Variants in KLHL8 observed in about 807,000 individuals in gnomAD.
KLHL8 encodes the protein kelch-like protein 8.
KLHL8 carries 38 observed loss-of-function variants against 63.5 expected under a neutral mutation model. The ratio of observed to expected loss-of-function variants is 0.60; its 90% CI spans 0.46 to 0.78. The LOEUF (loss-of-function observed/expected upper bound fraction) is 0.78. Among genes scored for constraint, KLHL8 ranks in the 30% least tolerant of loss-of-function variants. The probability of loss-of-function intolerance (pLI) is 0.00; values close to 1 mark genes in which losing one functional copy is unlikely to be tolerated. For synonymous variants in KLHL8, 224 were observed against 254.3 expected (o/e 0.88, Z 1.13); for missense variants, 566 against 752.4 (o/e 0.75, Z 2.90).
intron 1 of KLHL8, among the ~76,000 whole-genome samples, chr4:87,215,736 C>T (rs12710836): frequency 0.079 from 12,058 of 151,958 alleles, 645 homozygotes; most frequent in Non-Finnish European, 0.12. Flanking sequence ...AAAGTATGTC[C>T]GATTCAGAAA....
intron 1 of KLHL8, among the ~76,000 whole-genome samples, chr4:87,232,848 T>C (rs1733158318): frequency 6.6e-6 from 1 of 152,162 alleles, no homozygotes. Flanking sequence ...TTTTGTAAAA[T>C]CCATGTTCAA....
intron 4 of KLHL8, among the ~76,000 whole-genome samples, chr4:87,181,950 C>T (rs998938555): frequency 2.6e-5 from 4 of 152,100 alleles, no homozygotes; most frequent in South Asian, 2.1e-4. Context: ...ATTCTTGGGC[C>T]GGGCGCGATG....
At chr4:87,208,282 G>C (rs1732238753) in intron 1 of KLHL8, among the ~76,000 whole-genome samples, 1 of 151,552 alleles carries the variant, frequency 6.6e-6, no homozygotes, top group Non-Finnish European at 1.5e-5. Context: ...AGTCCCCTAT[G>C]CTTAGCCAAA....
At chr4:87,210,894 C>T (rs1299689564) in intron 1 of KLHL8, among the ~76,000 whole-genome samples, 2 of 152,222 alleles carry the variant, frequency 1.3e-5, no homozygotes, top group African/African-American at 4.8e-5. Context: ...TGTACTTCCT[C>T]TGTGCTCCCA....
Position 87,195,493 on chromosome 4 carries a change from G to A in KLHL8, c.47C>T (p.Thr16Ile). Reference protein sequence around the residue: ...MSSKQARNHITKGKRQQQHQQ... With the variant: ...MSSKQARNHIIKGKRQQQHQQ... ...GTGCTGTTGTTGCCTTTTCCCCTTT[G>A]TAATGTGATTCCTAGCTTGTTTACT... The change falls in exon 2 of 10, where the codon ACA (threonine) becomes ATA (isoleucine). Residue 16 changes from threonine to isoleucine, a missense_variant. By Grantham distance (89) the Thr-to-Ile change is moderately conservative (BLOSUM62 -1). Transcript: ENST00000273963. 2 of 1,613,722 alleles carry A rather than the reference G, an allele frequency of 1.2e-6. No homozygotes were observed.
intron 1 of KLHL8, among the ~76,000 whole-genome samples, chr4:87,208,850 C>A (rs1007860597): frequency 6.6e-6 from 1 of 152,004 alleles, no homozygotes; most frequent in Non-Finnish European, 1.5e-5. Flanking sequence ...CATTTGTCAG[C>A]GTACTATTTC....
At chr4:87,238,654 T>C (rs918901299) in intron 1 of KLHL8, among the ~76,000 whole-genome samples, 17 of 152,240 alleles carry the variant, frequency 1.1e-4, no homozygotes, top group African/African-American at 4.1e-4. Context: ...TTGTCATATG[T>C]GGCTAGTAGC....
At chr4:87,168,750 ATATATGTGTGTG>A (rs1730511921) in intron 8 of KLHL8, among the ~76,000 whole-genome samples, 3 of 146,436 alleles carry the variant, frequency 2.0e-5, no homozygotes, top group South Asian at 4.3e-4. Flanking sequence ...ATATACGTGT[ATATATGTGTGTG>A]TATATATATG....
intron 1 of KLHL8, among the ~76,000 whole-genome samples, chr4:87,209,848 G>GT (rs35717106): frequency 0.18 from 19,199 of 105,306 alleles, 1,641 homozygotes; most frequent in South Asian, 0.26. Context: ...TCCGTTTTGG[G>GT]TTTTTTTTTT....
At chr4:87,194,372 A>G (rs1199488767) in intron 2 of KLHL8, among the ~76,000 whole-genome samples, 1 of 152,174 alleles carries the variant, frequency 6.6e-6, no homozygotes, top group East Asian at 1.9e-4. Context: ...CTTCAGAACT[A>G]TGAGAAATAA....
chr4:87,177,364 G>A (rs1304652291), intron 5 of KLHL8, among the ~76,000 whole-genome samples: 7 of 152,004 alleles, frequency 4.6e-5, no homozygotes, highest in East Asian at 1.9e-4. Flanking sequence ...AATATTACCC[G>A]GGTGTGGTGG....
rs892232502 is a variant in KLHL8 at position 87,160,643 on chromosome 4, T to C, written c.*2876A>G. 1 of 152,230 alleles carries C rather than the reference T, an allele frequency of 6.6e-6. No homozygotes were observed. The highest frequency in any genetic ancestry group is 1.5e-5 in the Non-Finnish European group (1 of 68,040). 9.4% of individuals were successfully genotyped at this position (152,230 alleles called of 1,614,324 possible). On this transcript the variant is annotated 3_prime_UTR_variant, in exon 10 of 10. Transcript: ENST00000273963. Reference sequence around the variant, plus strand: ...AATTACATAAGTATATAGTGAAATCTGTCAAAAACAATGTCAAGTAACTTG... The same window carrying C: ...AATTACATAAGTATATAGTGAAATCCGTCAAAAACAATGTCAAGTAACTTG...
rs746626286 is a variant in KLHL8 at position 87,160,684 on chromosome 4, C to T, written c.*2835G>A. 3.3e-5 allele frequency: 5 copies of T among 152,034 alleles called. No homozygotes were observed. Among genetic ancestry groups the T allele is most frequent in the South Asian group, 2.1e-4 (1 of 4,818 alleles). 9.4% of individuals were successfully genotyped at this position (152,034 alleles called of 1,614,324 possible). ...AAGTAACTTGTTTTTAAAGTGGCAA[C>T]GCAATATAGTAAAGCAATGGCTTTA... On this transcript the variant is annotated 3_prime_UTR_variant, in exon 10 of 10. Coordinates refer to ENST00000273963, the MANE Select transcript of KLHL8 (RefSeq NM_020803.5).
chr4:87,182,376 T>C (rs1405463238), intron 4 of KLHL8, among the ~76,000 whole-genome samples: 1 of 152,100 alleles, frequency 6.6e-6, no homozygotes, highest in East Asian at 1.9e-4. Flanking sequence ...ATTACCTAGA[T>C]AAAATCTCAT....
At chr4:87,219,301 A>G (rs1171304112) in intron 1 of KLHL8, among the ~76,000 whole-genome samples, 1 of 152,238 alleles carries the variant, frequency 6.6e-6, no homozygotes, top group Non-Finnish European at 1.5e-5. Context: ...CCAGAACACG[A>G]GAAAGATGCG....
intron 1 of KLHL8, among the ~76,000 whole-genome samples, chr4:87,236,339 G>A (rs1210627488): frequency 6.6e-6 from 1 of 151,800 alleles, no homozygotes; most frequent in South Asian, 2.1e-4. Context: ...CTCCTGAGTA[G>A]CTGGGACTAC....
At chr4:87,207,359 C>T in intron 1 of KLHL8, 2 of 649,620 alleles carry the variant, frequency 3.1e-6, no homozygotes, top group South Asian at 3.1e-5. Flanking sequence ...AATGCTGACG[C>T]TGAGTACGTT....
intron 8 of KLHL8, among the ~76,000 whole-genome samples, chr4:87,168,953 T>C (rs1354970770): frequency 1.4e-5 from 2 of 142,200 alleles, no homozygotes; most frequent in Non-Finnish European, 1.6e-5. Context: ...TAATAAAAGA[T>C]TGTTAAAGTA....
chr4:87,203,746 T>G (rs1732009334), intron 1 of KLHL8, among the ~76,000 whole-genome samples: 1 of 151,202 alleles, frequency 6.6e-6, no homozygotes, highest in South Asian at 2.1e-4. Context: ...ACTTCATGAC[T>G]CGGGGTCAGG....
Sources: allele counts gnomAD v4.1 joint callset (sites outside exome capture counted in the v4.1 genomes callset), GRCh38; gene constraint gnomAD v4.1.1; transcripts MANE v1.5; gene names NCBI Gene and HGNC (gene_info 2026-07-23, HGNC 2026-07-21).